The following CSMD1 variants were observed in gnomAD, a reference collection of about 807,000 sequenced individuals.
CSMD1 encodes CUB and Sushi multiple domains 1, also known as CUB and sushi domain-containing protein 1.
A neutral mutation model predicts 417.5 loss-of-function variants in CSMD1; 213 were observed. That is an observed-to-expected ratio of 0.51 (90% CI 0.46 to 0.57). The LOEUF is 0.57. Ranked by LOEUF, CSMD1 falls within the 20% of genes least tolerant of loss-of-function variation. The pLI is 0.00. For missense variants in CSMD1, 6,923 were observed against 4,529.7 expected, an observed-to-expected ratio of 1.53 and a Z score of -15.17; for synonymous variants, 2,862 against 1,736.8, an observed-to-expected ratio of 1.65 and a Z score of -16.11.
intron 5 of CSMD1, among the ~76,000 whole-genome samples, chr8:3,763,107 G>A (rs558423927): frequency 6.6e-6 from 1 of 152,178 alleles, no homozygotes; most frequent in Admixed American, 6.5e-5. Context: ...AGAGTGCTGG[G>A]CATGTGGTAG....
rs140459161 is a variant in CSMD1, at chr8:3,873,585, C to G, written c.819-119543G>C. Among the ~76,000 whole-genome samples, 184 of 151,970 alleles carry G rather than the reference C, an allele frequency of 1.2e-3. 1 individual carries two copies. Among genetic ancestry groups the G allele is most frequent in the African/African-American group, 4.3e-3 (178 of 41,464 alleles). On this transcript the variant is annotated intron_variant, in intron 5 of 69. Transcript: ENST00000635120. ...ACGGTGGGAGGAGGGAGAGCATCAG[C>G]AAAAATAACTAATGGGTACTCGGCA...
At chr8:3,223,072 G>A (rs1010762977) in intron 28 of CSMD1, among the ~76,000 whole-genome samples, 1 of 152,108 alleles carries the variant, frequency 6.6e-6, no homozygotes, top group Non-Finnish European at 1.5e-5. Flanking sequence ...AAAAGTCAAA[G>A]TCTAAAGTTA....
intron 1 of CSMD1, among the ~76,000 whole-genome samples, chr8:4,757,629 C>T (rs1416726463): frequency 1.3e-5 from 2 of 152,142 alleles, no homozygotes; most frequent in Non-Finnish European, 2.9e-5. Context: ...GTGCTCTCTT[C>T]AGCTTTTATG....
chr8:3,304,321 C>T (rs1355262116), intron 25 of CSMD1, among the ~76,000 whole-genome samples: 2 of 151,860 alleles, frequency 1.3e-5, no homozygotes, highest in Non-Finnish European at 2.9e-5. Flanking sequence ...GACTTAGTAA[C>T]CATGCAAGCT....
At chr8:3,113,341 C>A in intron 42 of CSMD1, 1 of 152,354 alleles carries the variant, frequency 6.6e-6, no homozygotes. Flanking sequence ...AAGAGACGCG[C>A]AGGCATTTCC....
At chr8:4,332,808 G>A (rs1799951109) in intron 3 of CSMD1, among the ~76,000 whole-genome samples, 2 of 151,972 alleles carry the variant, frequency 1.3e-5, no homozygotes, top group Admixed American at 6.6e-5. Context: ...GGAGACAGGA[G>A]AAGTTTTCAG....
intron 1 of CSMD1, among the ~76,000 whole-genome samples, chr8:4,973,277 T>C (rs1212996907): frequency 6.6e-6 from 1 of 152,138 alleles, no homozygotes; most frequent in Non-Finnish European, 1.5e-5. Context: ...CTTTATCTCA[T>C]TCGCTTTAGG....
At chr8:3,527,389 T>A (rs1585307904) in intron 10 of CSMD1, among the ~76,000 whole-genome samples, 1 of 152,144 alleles carries the variant, frequency 6.6e-6, no homozygotes, top group Non-Finnish European at 1.5e-5. Flanking sequence ...TTGTATAACA[T>A]TCTTGAAATG....
chr8:3,257,069 C>T (rs571515782), intron 26 of CSMD1, among the ~76,000 whole-genome samples: 1 of 152,256 alleles, frequency 6.6e-6, no homozygotes, highest in South Asian at 2.1e-4. Context: ...TGCCTGTAAT[C>T]CCAGCACTTT....
intron 3 of CSMD1, among the ~76,000 whole-genome samples, chr8:4,314,124 G>A (rs1322611016): frequency 3.9e-5 from 6 of 152,054 alleles, no homozygotes; most frequent in Admixed American, 6.6e-5. Flanking sequence ...CCATGTATCC[G>A]ACATGCAGAG....
At chr8:3,442,905 C>T (rs1368833098) in intron 12 of CSMD1, among the ~76,000 whole-genome samples, 2 of 151,858 alleles carry the variant, frequency 1.3e-5, no homozygotes, top group East Asian at 3.9e-4. Context: ...GTGAAGTATT[C>T]CCCCATCTAT....
intron 33 of CSMD1, among the ~76,000 whole-genome samples, chr8:3,194,921 C>T (rs1796619137): frequency 6.6e-6 from 1 of 151,984 alleles, no homozygotes. Context: ...AGATGGTGAC[C>T]CGGAAAACAT....
rs138634712 is a variant in CSMD1 at position 2,990,426 on chromosome 8, G to C, written c.8377+7585C>G. On this transcript the variant is annotated intron_variant, in intron 54 of 69. Transcript: ENST00000635120. ...GACAAGATTTCATTCAGCTCCGGTTGACACATTTCAGGGTATCCCCTAAAC... is the reference window on the plus strand; with the variant it reads ...GACAAGATTTCATTCAGCTCCGGTTCACACATTTCAGGGTATCCCCTAAAC... 6.1e-3 allele frequency among the ~76,000 whole-genome samples: 928 copies of C among 152,284 alleles called. 8 individuals are homozygous for C. Among genetic ancestry groups the C allele is most frequent in the African/African-American group, 0.021 (878 of 41,570 alleles).
intron 3 of CSMD1, among the ~76,000 whole-genome samples, chr8:4,161,982 G>A (rs1797200121): frequency 6.6e-6 from 1 of 151,960 alleles, no homozygotes; most frequent in Non-Finnish European, 1.5e-5. Flanking sequence ...TTTCTTTATG[G>A]TGGCATTGTG....
chr8:3,709,951 C>A (rs1164798332), intron 6 of CSMD1, among the ~76,000 whole-genome samples: 1 of 150,908 alleles, frequency 6.6e-6, no homozygotes, highest in Non-Finnish European at 1.5e-5. Context: ...GGGCACTGAC[C>A]AACCCCCAAC....
At chr8:2,953,046 G>A (rs1462260910) in intron 65 of CSMD1, among the ~76,000 whole-genome samples, 1 of 152,118 alleles carries the variant, frequency 6.6e-6, no homozygotes, top group Non-Finnish European at 1.5e-5. Flanking sequence ...AATAATGTTT[G>A]CACCTACAAA....
intron 1 of CSMD1, among the ~76,000 whole-genome samples, chr8:4,991,124 G>A (rs1811441954): frequency 3.3e-5 from 5 of 152,114 alleles, no homozygotes; most frequent in Admixed American, 2.0e-4. Flanking sequence ...AAACAACTGA[G>A]AAGGAAACTT....
At chr8:3,142,079 G>C (rs904327609) in intron 41 of CSMD1, among the ~76,000 whole-genome samples, 2 of 152,082 alleles carry the variant, frequency 1.3e-5, no homozygotes, top group Non-Finnish European at 2.9e-5. Context: ...TTACAGGCGT[G>C]AGCCACCGCG....
At chr8:3,662,471 G>A (rs776554201) in intron 7 of CSMD1, among the ~76,000 whole-genome samples, 3 of 152,074 alleles carry the variant, frequency 2.0e-5, no homozygotes, top group African/African-American at 4.8e-5. Context: ...CCAAGTCTTG[G>A]TTATTGTAAA....
Sources: gnomAD v4.1 joint callset for allele counts (sites outside exome capture counted in the v4.1 genomes callset) on GRCh38, gnomAD v4.1.1 for gene constraint, MANE v1.5 for transcripts, NCBI Gene and HGNC (gene_info 2026-07-23, HGNC 2026-07-21) for gene names.